FAM186A: variants seen among roughly 807,000 people sequenced by gnomAD.
FAM186A encodes protein FAM186A.
Under a neutral mutation model 216.8 loss-of-function variants are expected in FAM186A, and 163 were observed. That is an observed-to-expected ratio of 0.75 (90% confidence interval 0.66 to 0.86). FAM186A has a LOEUF of 0.86. FAM186A is among the 40% of genes least tolerant of loss of function. The pLI, the probability that FAM186A is intolerant of heterozygous loss-of-function variation, is 0.00. For synonymous variants in FAM186A, 805 were observed against 1,025.3 expected, an observed-to-expected ratio of 0.79 and a Z score of 4.10; for missense variants, 2,184 against 2,746.2, an observed-to-expected ratio of 0.80 and a Z score of 4.58.
At chr12:50,341,630 T>A (rs1245133036) in intron 4 of FAM186A, among the ~76,000 whole-genome samples, 1 of 151,876 alleles carries the variant, frequency 6.6e-6, no homozygotes, top group Non-Finnish European at 1.5e-5. Flanking sequence ...AGGTCAGGAG[T>A]TCGAGACCAA....
intron 7 of FAM186A, among the ~76,000 whole-genome samples, chr12:50,328,101 G>A (rs1167959571): frequency 1.3e-5 from 2 of 152,130 alleles, no homozygotes; most frequent in Admixed American, 6.6e-5. Context: ...TGGAATTTTT[G>A]TAGGAAAATA....
intron 4 of FAM186A, among the ~76,000 whole-genome samples, chr12:50,344,819 A>T (rs4768949): frequency 6.6e-6 from 1 of 151,862 alleles, no homozygotes; most frequent in South Asian, 2.1e-4. Context: ...ATAAAAAATT[A>T]AAAAATTAGC....
chr12:50,380,026 T>G (rs536397510), intron 1 of FAM186A, among the ~76,000 whole-genome samples: 1 of 152,318 alleles, frequency 6.6e-6, no homozygotes, highest in African/African-American at 2.4e-5. Context: ...TTTTTCTGCA[T>G]GTAGCTCTGA....
rs756740354 is a variant in FAM186A at position 50,353,672 on chromosome 12, G to A, written c.3160C>T (p.Leu1054=). 5.1e-5 allele frequency: 78 copies of A among 1,536,954 alleles called. No individual in the cohort carries two copies. Among genetic ancestry groups the A allele is most frequent in the Non-Finnish European group, 6.2e-5 (71 of 1,141,674 alleles). Residue 1054 remains leucine, a synonymous_variant, in exon 4 of 8, where the codon CTA becomes TTA. Coordinates refer to ENST00000327337, the MANE Select transcript of FAM186A (RefSeq NM_001145475.3). The part of the protein sequence containing the change: ...EPISITPPPS[L]QYSLPGALPI... ...AGAGCTCCAGGCAGGGAGTATTGTA[G>A]GGAGGGGGGAGGTGTGATTGATATG... is the stretch of plus-strand genomic sequence containing the variant.
chr12:50,341,161 G>A (rs1203994609), intron 4 of FAM186A, among the ~76,000 whole-genome samples: 2 of 152,084 alleles, frequency 1.3e-5, no homozygotes, highest in Non-Finnish European at 1.5e-5. Flanking sequence ...GATCATGAGG[G>A]AATACAATTC....
chr12:50,363,217 C>A lies in FAM186A; in HGVS notation c.340G>T (p.Ala114Ser). Residue 114 changes from alanine (A) to serine (S), a missense_variant, in exon 2 of 8, where the codon GCT becomes TCT. By Grantham distance (99) the Ala-to-Ser change is moderately conservative. Around this residue, in one of 7 missense-constraint regions of FAM186A, gnomAD observed 1,132 missense variants for 1,263.4 expected, o/e 0.90. Transcript: ENST00000327337. ...ATTTCAATAGTCTTAGCGTAAGTAG[C>A]CATTTTCTCAAGAAAATTGGTTCTC... Reference protein sequence around the residue: ...KQRTNFLEKMATYAKTIEIRE... With the variant: ...KQRTNFLEKMSTYAKTIEIRE... 6.4e-7 allele frequency: 1 copy of A among 1,551,550 alleles called. No individual in the cohort carries two copies. Among genetic ancestry groups the A allele is most frequent in the South Asian group, 1.2e-5 (1 of 84,052 alleles).
At chr12:50,379,642 C>A (rs374325283) in intron 1 of FAM186A, among the ~76,000 whole-genome samples, 1 of 151,406 alleles carries the variant, frequency 6.6e-6, no homozygotes, top group African/African-American at 2.4e-5. Context: ...CAAAAGTAGC[C>A]GGGCGTAGTG....
chr12:50,348,147 C>A (rs934978874), intron 4 of FAM186A, among the ~76,000 whole-genome samples: 1 of 144,298 alleles, frequency 6.9e-6, no homozygotes, highest in Non-Finnish European at 1.5e-5. Flanking sequence ...CGGGTTCAAA[C>A]GATTCTCCTG....
At chr12:50,376,687 G>C (rs1386401320) in intron 1 of FAM186A, among the ~76,000 whole-genome samples, 1 of 151,810 alleles carries the variant, frequency 6.6e-6, no homozygotes, top group Non-Finnish European at 1.5e-5. Context: ...TCTGGTCCTG[G>C]ACTCCACCCT....
intron 1 of FAM186A, among the ~76,000 whole-genome samples, chr12:50,388,445 C>G (rs1051213155): frequency 6.6e-6 from 1 of 151,850 alleles, no homozygotes; most frequent in Non-Finnish European, 1.5e-5. Context: ...CAGTGAAACC[C>G]CCCTCTCTAC....
rs1381876314 is a variant in FAM186A, at chr12:50,351,938, C to T, written c.4894G>A (p.Ala1632Thr). Residue 1632 changes from alanine to threonine, a missense_variant, in exon 4 of 8, where the codon GCG becomes ACG. Around this residue, in one of 7 missense-constraint regions of FAM186A, gnomAD observed 26 missense variants for 44.5 expected, o/e 0.58. Transcript: ENST00000327337. The part of the protein sequence containing the change: ...ALGISLTPQQ[A>T]QAQGITLTPQ... ...GTGAGAGTGATCCCCTGAGCCTGCG[C>T]CTGCTGAGGGGTGAGAGAGATCCCC... 1.3e-6 allele frequency: 2 copies of T among 1,535,050 alleles called. No individual in the cohort carries two copies. Among genetic ancestry groups the T allele is most frequent in the African/African-American group, 1.4e-5 (1 of 72,092 alleles).
intron 3 of FAM186A, among the ~76,000 whole-genome samples, chr12:50,358,808 A>C (rs914093759): frequency 6.6e-5 from 10 of 151,636 alleles, no homozygotes; most frequent in African/African-American, 2.4e-4. Flanking sequence ...CTGTAATCCC[A>C]GCTACTCGGG....
intron 1 of FAM186A, among the ~76,000 whole-genome samples, chr12:50,370,366 A>C (rs1033491039): frequency 4.6e-5 from 7 of 152,074 alleles, no homozygotes; most frequent in Non-Finnish European, 8.8e-5. Context: ...GGATCCAAAA[A>C]AGATATACAA....
intron 1 of FAM186A, among the ~76,000 whole-genome samples, chr12:50,385,233 C>A (rs1943291010): frequency 6.7e-6 from 1 of 149,608 alleles, no homozygotes; most frequent in African/African-American, 2.4e-5. Context: ...GCCTGGCCAA[C>A]ATAGTGAAAC....
intron 4 of FAM186A, among the ~76,000 whole-genome samples, chr12:50,337,804 G>C (rs148173917): frequency 0.022 from 3,412 of 152,176 alleles, 123 homozygotes; most frequent in African/African-American, 0.078. Flanking sequence ...GCTGAGGCAG[G>C]AGAATTCCTT....
intron 3 of FAM186A, among the ~76,000 whole-genome samples, chr12:50,358,219 C>A (rs1026260121): frequency 6.6e-6 from 1 of 151,996 alleles, no homozygotes; most frequent in African/African-American, 2.4e-5. Flanking sequence ...TTCAAAAACA[C>A]CACTAAGAAA....
Position 50,353,686 on chromosome 12 carries a change from GTGAT to G in FAM186A, c.3142_3145del (p.Ile1048HisfsTer59). 2.0e-6 allele frequency: 3 copies of G among 1,537,944 alleles called. No individual in the cohort carries two copies. Among genetic ancestry groups the G allele is most frequent in the Non-Finnish European group, 2.6e-6 (3 of 1,142,248 alleles). ...GGAGTATTGTAGGGAGGGGGGAGGT[GTGAT>G]TGATATGGGCTCCTTTTCATCAGGA... On this transcript the variant is annotated frameshift_variant, in exon 4 of 8. Transcript: ENST00000327337. LOFTEE classifies it high-confidence loss of function.
intron 1 of FAM186A, among the ~76,000 whole-genome samples, chr12:50,393,435 G>A (rs1233096428): frequency 1.3e-5 from 2 of 151,836 alleles, no homozygotes; most frequent in Non-Finnish European, 2.9e-5. Context: ...TCAGCTGCTC[G>A]GGAGGCTGAG....
Position 50,355,185 on chromosome 12 carries a change from C to G in FAM186A, c.1647G>C (p.Lys549Asn). Residue 549 changes from lysine (K) to asparagine (N), a missense_variant, in exon 4 of 8, where the codon AAG (lysine) becomes AAC (asparagine). Physicochemically the swap from Lys to Asn is moderately conservative, Grantham distance 94 (BLOSUM62 0). Transcript: ENST00000327337. ...TSMMMLEQFR[K>N]VKRESPFDKR... ...TGTCAAATGGAGATTCACGTTTGAC[C>G]TTCCTAAATTGCTCCAACATCATCA... The G allele has an allele frequency of 6.4e-7, 1 of 1,551,654 alleles. No homozygotes were observed. The highest frequency in any genetic ancestry group is 1.2e-5 in the South Asian group (1 of 84,044).
Sources: allele counts gnomAD v4.1 joint callset (sites outside exome capture counted in the v4.1 genomes callset), GRCh38; gene constraint gnomAD v4.1.1; regional missense constraint gnomAD v4.1.1; transcripts MANE v1.5; gene names NCBI Gene and HGNC (gene_info 2026-07-23, HGNC 2026-07-21).